Variants in CACNA2D3 observed in about 807,000 individuals in gnomAD.
The protein encoded by CACNA2D3 is calcium voltage-gated channel auxiliary subunit alpha2delta 3.
In CACNA2D3, 60 loss-of-function variants were observed where a neutral mutation model predicts 160.6. The observed-to-expected ratio is 0.37, with a 90% CI of 0.30 to 0.46. The LOEUF (loss-of-function observed/expected upper bound fraction) is 0.46. Ranked by LOEUF, CACNA2D3 falls within the 20% of genes least tolerant of loss-of-function variation. CACNA2D3 has a pLI of 1.00. For synonymous variants in CACNA2D3, 558 were observed against 492.9 expected (o/e 1.13, Z -1.75); for missense variants, 1,205 against 1,365.0 (o/e 0.88, Z 1.85).
chr3:54,613,113 C>G (rs942716588), intron 9 of CACNA2D3, among the ~76,000 whole-genome samples: 4 of 152,190 alleles, frequency 2.6e-5, no homozygotes, highest in African/African-American at 9.7e-5. Context: ...TGACCTGTGA[C>G]TTAACGGCCA....
At chr3:54,448,061 C>A (rs761287036) in intron 4 of CACNA2D3, among the ~76,000 whole-genome samples, 15 of 152,128 alleles carry the variant, frequency 9.9e-5, no homozygotes, top group Non-Finnish European at 1.5e-5. Context: ...AATCCAGGGG[C>A]TCAGACGACA....
At chr3:54,173,585 A>C (rs904158071) in intron 2 of CACNA2D3, among the ~76,000 whole-genome samples, 1 of 152,228 alleles carries the variant, frequency 6.6e-6, no homozygotes, top group Non-Finnish European at 1.5e-5. Flanking sequence ...AAACGGAAAC[A>C]GTCTCCCCAT....
intron 27 of CACNA2D3, chr3:54,927,864 C>T (rs1481636571): frequency 3.7e-6 from 6 of 1,611,528 alleles, no homozygotes; most frequent in Non-Finnish European, 5.1e-6. Flanking sequence ...CATCTTTCTC[C>T]CAGACAAGAA....
At chr3:54,925,284 T>A in intron 27 of CACNA2D3, 2 of 1,317,396 alleles carry the variant, frequency 1.5e-6, no homozygotes, top group Non-Finnish European at 2.1e-6. Context: ...CTTTTCCGCC[T>A]TTGAATTTAC....
intron 11 of CACNA2D3, among the ~76,000 whole-genome samples, chr3:54,711,368 C>T (rs550023815): frequency 1.3e-5 from 2 of 152,314 alleles, no homozygotes; most frequent in South Asian, 4.1e-4. Context: ...CTGGAGCTGG[C>T]TAATTCAGCA....
chr3:54,646,194 G>GCTTGCTTGCTTC (rs1553766135), intron 11 of CACNA2D3, among the ~76,000 whole-genome samples: 7 of 13,458 alleles, frequency 5.2e-4, no homozygotes, highest in Admixed American at 1.0e-3. Context: ...CTCCTTCCTT[G>GCTTGCTTGCTTC]CTTCCTTCCT....
At chr3:54,855,528 A>G (rs1267357616) in intron 17 of CACNA2D3, among the ~76,000 whole-genome samples, 3 of 152,092 alleles carry the variant, frequency 2.0e-5, no homozygotes, top group Non-Finnish European at 4.4e-5. Flanking sequence ...TGTCTTTTAT[A>G]GTCATTACTC....
chr3:54,164,255 CT>C (rs1559868412), intron 2 of CACNA2D3, among the ~76,000 whole-genome samples: 1 of 152,184 alleles, frequency 6.6e-6, no homozygotes, highest in Non-Finnish European at 1.5e-5. Context: ...CACGTACCCC[CT>C]CTCCCCAAAC....
At chr3:54,654,202 A>C (rs1002351270) in intron 11 of CACNA2D3, among the ~76,000 whole-genome samples, 3 of 152,058 alleles carry the variant, frequency 2.0e-5, no homozygotes, top group Non-Finnish European at 1.5e-5. Context: ...GGTCTTGCCA[A>C]AAGTGATTCG....
chr3:55,032,803 A>G (rs78578026), intron 35 of CACNA2D3, among the ~76,000 whole-genome samples: 5,530 of 152,120 alleles, frequency 0.036, 178 homozygotes, highest in Non-Finnish European at 0.053. Context: ...TATTTAATTC[A>G]TTGTAGACAG....
At chr3:54,271,780 C>T (rs181151127) in intron 2 of CACNA2D3, among the ~76,000 whole-genome samples, 1 of 152,206 alleles carries the variant, frequency 6.6e-6, no homozygotes, top group Admixed American at 6.5e-5. Context: ...CCTCTGGTGC[C>T]CTGCTGTCAC....
At chr3:54,509,392 C>G (rs1402994264) in intron 5 of CACNA2D3, among the ~76,000 whole-genome samples, 2 of 152,060 alleles carry the variant, frequency 1.3e-5, no homozygotes, top group African/African-American at 4.8e-5. Context: ...CAAATTCCAA[C>G]TTGAAATGGA....
chr3:54,668,179 T>G (rs1700101977), intron 11 of CACNA2D3, among the ~76,000 whole-genome samples: 1 of 152,168 alleles, frequency 6.6e-6, no homozygotes, highest in South Asian at 2.1e-4. Context: ...GAGAATGCCT[T>G]AAATATTAGT....
intron 2 of CACNA2D3, among the ~76,000 whole-genome samples, chr3:54,256,963 T>C (rs1292635326): frequency 3.5e-4 from 53 of 152,216 alleles, no homozygotes; most frequent in Admixed American, 3.5e-3. Context: ...AAATCTGCGT[T>C]TGGCCCTTCC....
chr3:55,023,212 C>T (rs1265881022), intron 35 of CACNA2D3, among the ~76,000 whole-genome samples: 1 of 152,076 alleles, frequency 6.6e-6, no homozygotes, highest in Non-Finnish European at 1.5e-5. Flanking sequence ...TCTGACCTCT[C>T]CCCCGTTTCG....
chr3:54,200,206 A>G (rs1701154081), intron 2 of CACNA2D3, among the ~76,000 whole-genome samples: 1 of 152,230 alleles, frequency 6.6e-6, no homozygotes, highest in African/African-American at 2.4e-5. Flanking sequence ...GCTGAGATCC[A>G]GGCAAGGGAG....
intron 14 of CACNA2D3, among the ~76,000 whole-genome samples, chr3:54,830,878 C>A (rs1294810522): frequency 6.6e-6 from 1 of 152,108 alleles, no homozygotes; most frequent in Non-Finnish European, 1.5e-5. Context: ...TAGATGGTGG[C>A]AGTGTCTTTT....
chr3:54,484,823 A>G (rs1406649709), intron 4 of CACNA2D3, among the ~76,000 whole-genome samples: 3 of 151,972 alleles, frequency 2.0e-5, no homozygotes, highest in Non-Finnish European at 2.9e-5. Context: ...AGTTCCTTTG[A>G]AGAAGAACCA....
At chr3:54,954,899 T>G (rs1701843825) in intron 27 of CACNA2D3, among the ~76,000 whole-genome samples, 1 of 152,188 alleles carries the variant, frequency 6.6e-6, no homozygotes, top group Non-Finnish European at 1.5e-5. Context: ...GAGGCGCCGA[T>G]TAACCTCCTT....
Sources: gnomAD v4.1 joint callset for allele counts (sites outside exome capture counted in the v4.1 genomes callset) on GRCh38, gnomAD v4.1.1 for gene constraint, MANE v1.5 for transcripts, NCBI Gene and HGNC (gene_info 2026-07-23, HGNC 2026-07-21) for gene names.